ANO2: variants seen among roughly 807,000 people sequenced by gnomAD.
The protein encoded by ANO2 is anoctamin-2.
A neutral mutation model predicts 124.2 loss-of-function variants in ANO2; 101 were observed. The ratio of observed to expected loss-of-function variants is 0.81; its 90% CI spans 0.69 to 0.96. The LOEUF (loss-of-function observed/expected upper bound fraction) is 0.96. Ranked by LOEUF, ANO2 falls within the 40% of genes least tolerant of loss-of-function variation. The pLI, the probability that ANO2 is intolerant of heterozygous loss-of-function variation, is 0.00. For synonymous variants in ANO2, 486 were observed against 482.5 expected, an observed-to-expected ratio of 1.01 and a Z score of -0.09; for missense variants, 1,293 against 1,274.5, an observed-to-expected ratio of 1.01 and a Z score of -0.22.
chr12:5,842,399 A>G (rs1181109447), intron 4 of ANO2, among the ~76,000 whole-genome samples: 1 of 152,202 alleles, frequency 6.6e-6, no homozygotes, highest in African/African-American at 2.4e-5. Context: ...TAACTGAAGG[A>G]GTCCTTTAGC....
chr12:5,788,036 C>T (rs1265963178), intron 10 of ANO2, among the ~76,000 whole-genome samples: 2 of 152,190 alleles, frequency 1.3e-5, no homozygotes, highest in African/African-American at 4.8e-5. Flanking sequence ...CTTGCTTTGG[C>T]CAATGGAATG....
chr12:5,804,747 A>G (rs1444686705), intron 9 of ANO2, among the ~76,000 whole-genome samples: 1 of 152,242 alleles, frequency 6.6e-6, no homozygotes. Flanking sequence ...CAACATATAT[A>G]TTGTAAATAG....
At chr12:5,860,268 C>T (rs1253851477) in intron 3 of ANO2, among the ~76,000 whole-genome samples, 1 of 152,130 alleles carries the variant, frequency 6.6e-6, no homozygotes, top group African/African-American at 2.4e-5. Flanking sequence ...ATGCCTGGTC[C>T]CTTCCTCTTG....
Position 5,854,042 on chromosome 12 carries a change from C to T in ANO2, c.633+1G>A, listed in dbSNP as rs747945894. 6 of 1,612,996 alleles carry T rather than the reference C, an allele frequency of 3.7e-6. No individual in the cohort carries two copies. In the South Asian group the frequency reaches 5.5e-5, roughly 15 times the overall value. ...AGAACCCAGGAGAAACATGCTCATA[C>T]TTTCTTGGTAGGAACTTTGATCTTC... is the stretch of plus-strand genomic sequence containing the variant. On this transcript the variant is annotated splice_donor_variant, in intron 4 of 24. Coordinates refer to ENST00000682330, the MANE Select transcript of ANO2 (RefSeq NM_001364791.2). LOFTEE classifies it high-confidence loss of function.
intron 3 of ANO2, among the ~76,000 whole-genome samples, chr12:5,880,884 G>A: frequency 2.8e-5 from 4 of 144,592 alleles, no homozygotes; most frequent in African/African-American, 8.4e-5. Flanking sequence ...GGGTGGATGA[G>A]TGGATGGGTA....
intron 13 of ANO2, among the ~76,000 whole-genome samples, chr12:5,735,533 G>T (rs573620693): frequency 2.0e-5 from 3 of 152,272 alleles, no homozygotes; most frequent in African/African-American, 7.2e-5. Context: ...TAGAGAAAAG[G>T]TACAGTGAGT....
chr12:5,882,467 G>C (rs1015246900), intron 3 of ANO2, among the ~76,000 whole-genome samples: 4 of 152,144 alleles, frequency 2.6e-5, no homozygotes, highest in Non-Finnish European at 5.9e-5. Flanking sequence ...GAAAGGCTGG[G>C]ACCTGCTCTT....
intron 4 of ANO2, among the ~76,000 whole-genome samples, chr12:5,850,783 C>T (rs992052868): frequency 7.2e-5 from 11 of 152,162 alleles, no homozygotes; most frequent in African/African-American, 2.4e-4. Context: ...AGAGGGAGCA[C>T]TATCAGTGCT....
intron 14 of ANO2, among the ~76,000 whole-genome samples, chr12:5,650,368 C>A (rs1946860059): frequency 6.6e-6 from 1 of 152,202 alleles, no homozygotes; most frequent in South Asian, 2.1e-4. Context: ...ATATAACATT[C>A]TAGTGGATGT....
chr12:5,825,156 CT>C (rs1175047011), intron 7 of ANO2, among the ~76,000 whole-genome samples: 1 of 152,158 alleles, frequency 6.6e-6, no homozygotes, highest in African/African-American at 2.4e-5. Flanking sequence ...AAGGCACTCA[CT>C]TTACAGCTAA....
intron 10 of ANO2, among the ~76,000 whole-genome samples, chr12:5,762,495 A>G (rs910330792): frequency 4.0e-4 from 61 of 151,996 alleles, no homozygotes; most frequent in Admixed American, 4.0e-3. Context: ...GAGAAACAAC[A>G]CTATATGCAA....
chr12:5,913,194 C>T (rs1462740046), intron 3 of ANO2, among the ~76,000 whole-genome samples: 1 of 152,174 alleles, frequency 6.6e-6, no homozygotes, highest in African/African-American at 2.4e-5. Flanking sequence ...GGATTCTAAG[C>T]CCTAGTTTCC....
intron 6 of ANO2, among the ~76,000 whole-genome samples, chr12:5,828,406 C>T (rs1757201309): frequency 6.6e-6 from 1 of 152,228 alleles, no homozygotes; most frequent in Non-Finnish European, 1.5e-5. Flanking sequence ...TCTCGCCCAC[C>T]TGCTCGGGGA....
rs1469259509 is a variant in ANO2 at position 5,904,886 on chromosome 12, G to C, written c.534+16154C>G. 1.3e-5 allele frequency among the ~76,000 whole-genome samples: 2 copies of C among 152,196 alleles called. No individual in the cohort carries two copies. Among genetic ancestry groups the C allele is most frequent in the Non-Finnish European group, 2.9e-5 (2 of 68,042 alleles). On this transcript the variant is annotated intron_variant, in intron 3 of 24. Coordinates refer to ENST00000682330, the MANE Select transcript of ANO2 (RefSeq NM_001364791.2). This position sits in a 1 kb window ranked among gnomAD's most constrained non-coding sequence, Gnocchi z 4.1. ...AGCTCCCACCTAGGCTGACAGGAGG[G>C]AAGACAGGATCAGCAGAACAAAGGG...
chr12:5,921,433 G>T, intron 2 of ANO2, 67 bp from the exon 3 acceptor site: 1 of 1,480,330 alleles, frequency 6.8e-7, no homozygotes, highest in Non-Finnish European at 9.2e-7. Context: ...AGAGGAGGCT[G>T]ATCTATGCTC....
chr12:5,676,847 A>C lies in ANO2; in HGVS notation c.1546-29046T>G, dbSNP rs563060132. ...GCCAGGCAGATCACTTGAGGTCGGGATTTCAAGACCAGCCTGGCCAACACG... is the reference window on the plus strand; with the variant it reads ...GCCAGGCAGATCACTTGAGGTCGGGCTTTCAAGACCAGCCTGGCCAACACG... On this transcript the variant is annotated intron_variant, in intron 14 of 24. Coordinates refer to ENST00000682330, the MANE Select transcript of ANO2 (RefSeq NM_001364791.2). Among the ~76,000 whole-genome samples, 5 of 152,248 alleles carry C rather than the reference A, an allele frequency of 3.3e-5. No individual in the cohort carries two copies. In the South Asian group the frequency reaches 1.0e-3, roughly 32 times the overall value.
chr12:5,785,352 G>A (rs1476205078), intron 10 of ANO2, among the ~76,000 whole-genome samples: 2 of 152,004 alleles, frequency 1.3e-5, no homozygotes, highest in Non-Finnish European at 2.9e-5. Flanking sequence ...GGGGATACTG[G>A]GGGACAGCAA....
At chr12:5,744,436 A>G (rs1951206297) in intron 11 of ANO2, 119 bp from the exon 12 acceptor site, 5 of 1,090,298 alleles carry the variant, frequency 4.6e-6, no homozygotes, top group Non-Finnish European at 6.6e-6. Context: ...CAACTCCATA[A>G]GTAAGGAATG....
intron 10 of ANO2, among the ~76,000 whole-genome samples, chr12:5,751,741 G>A (rs1350019050): frequency 6.7e-6 from 1 of 150,116 alleles, no homozygotes. Context: ...AGCAATTAAT[G>A]TGAGATCTAC....
Sources: gnomAD v4.1 joint callset for allele counts (sites outside exome capture counted in the v4.1 genomes callset) on GRCh38, gnomAD v4.1.1 for gene constraint, Gnocchi (gnomAD v3.1) non-coding constraint, MANE v1.5 for transcripts, NCBI Gene and HGNC (gene_info 2026-07-23, HGNC 2026-07-21) for gene names.